TRAF1: variants seen among roughly 807,000 people sequenced by gnomAD.
TRAF1 encodes TNF receptor-associated factor 1.
A neutral mutation model predicts 40.9 loss-of-function variants in TRAF1; 23 were observed. The observed-to-expected ratio is 0.56, with a 90% CI of 0.40 to 0.80. TRAF1 has a LOEUF of 0.80. TRAF1 is among the 30% of genes least tolerant of loss of function. The pLI, the probability that TRAF1 is intolerant of heterozygous loss-of-function variation, is 0.00. For synonymous variants in TRAF1, 206 were observed against 218.8 expected (o/e 0.94, Z 0.52); for missense variants, 477 against 528.7 (o/e 0.90, Z 0.96).
intron 6 of TRAF1, 114 bp downstream of exon 6, chr9:120,911,222 C>G: frequency 7.8e-7 from 1 of 1,274,484 alleles, no homozygotes; most frequent in South Asian, 1.5e-5. Context: ...TGGGCACTGG[C>G]CTAAACTGGA....
chr9:120,925,909 C>T, intron 2 of TRAF1, 27 bp downstream of exon 2: 1 of 1,613,286 alleles, frequency 6.2e-7, no homozygotes. Context: ...CACTTTCTGC[C>T]CACCCTCCGC....
Position 120,904,883 on chromosome 9 carries a change from AC to A in TRAF1, c.*136del. 1 of 901,030 alleles carries A rather than the reference AC, an allele frequency of 1.1e-6. No homozygotes were observed. Among genetic ancestry groups the A allele is most frequent in the African/African-American group, 1.7e-5 (1 of 59,502 alleles). 55.8% of individuals were successfully genotyped at this position (901,030 alleles called of 1,614,324 possible). A position where few individuals can be genotyped will look rare whatever the true frequency, so the allele number is the denominator to read the frequency against. On this transcript the variant is annotated 3_prime_UTR_variant, in exon 8 of 8. Transcript: ENST00000373887. ...TAACCAGATGGCCAGCCCGAAGTCGACCCCTCAGTCTTGCTTGGATCATGCC... is the reference window on the plus strand; with the variant it reads ...TAACCAGATGGCCAGCCCGAAGTCGACCCTCAGTCTTGCTTGGATCATGCC...
chr9:120,920,211 C>A (rs924890161), intron 3 of TRAF1, among the ~76,000 whole-genome samples: 4 of 152,102 alleles, frequency 2.6e-5, no homozygotes, highest in Non-Finnish European at 4.4e-5. Context: ...AGGACTGACT[C>A]CAGGGATAGG....
intron 3 of TRAF1, among the ~76,000 whole-genome samples, chr9:120,920,311 C>T (rs1276531766): frequency 6.6e-6 from 1 of 152,132 alleles, no homozygotes; most frequent in African/African-American, 2.4e-5. Context: ...ACTCAGAGCT[C>T]CCCAGGGTAG....
chr9:120,927,923 ACTTCTCTCCCCATCTGTGGGTCC>A (rs1473266389), upstream of TRAF1: 13 of 151,846 alleles, frequency 8.6e-5, no homozygotes, highest in Non-Finnish European at 1.3e-4. Context: ...GGCACCCAAG[ACTTCTCTCCCCATCTGTGGGTCC>A]CTTCTCTCCC....
At chr9:120,923,833 G>A (rs1351411154) in intron 2 of TRAF1, 41 bp from the exon 3 acceptor site, 4 of 1,570,960 alleles carry the variant, frequency 2.5e-6, no homozygotes, top group Non-Finnish European at 1.8e-6. Context: ...AGGCACTACA[G>A]CTCCCTGCAC....
intron 3 of TRAF1, among the ~76,000 whole-genome samples, chr9:120,922,935 C>T (rs2269062): frequency 0.14 from 21,597 of 152,074 alleles, 2,286 homozygotes; most frequent in African/African-American, 0.29. Context: ...CCTCCCCAGG[C>T]TCAGGCGACT....
intron 3 of TRAF1, among the ~76,000 whole-genome samples, chr9:120,917,680 C>T (rs1172427766): frequency 6.6e-6 from 1 of 152,154 alleles, no homozygotes; most frequent in Non-Finnish European, 1.5e-5. Context: ...CTCAGGGCTG[C>T]CTGCACTCCT....
chr9:120,902,838 T>G lies in TRAF1; in HGVS notation c.*2182A>C, dbSNP rs2046449109. ...AACTAAGAGTTTCTTGAGTCCAGAG[T>G]GCACATCTTGCCTTTCTCCCTTCAA... On this transcript the variant is annotated 3_prime_UTR_variant, in exon 8 of 8. Coordinates refer to ENST00000373887, the MANE Select transcript of TRAF1 (RefSeq NM_005658.5). 6.6e-6 allele frequency: 1 copy of G among 152,228 alleles called. No individual in the cohort carries two copies. The highest frequency in any genetic ancestry group is 2.4e-5 in the African/African-American group (1 of 41,462). The allele number at this position is 152,228 out of a possible 1,614,324, so 9.4% of individuals were successfully genotyped here. A position where few individuals can be genotyped will look rare whatever the true frequency, so the allele number is the denominator to read the frequency against.
At chr9:120,910,513 A>C (rs2046518192) in intron 6 of TRAF1, among the ~76,000 whole-genome samples, 1 of 152,114 alleles carries the variant, frequency 6.6e-6, no homozygotes, top group African/African-American at 2.4e-5. Context: ...CTCCCATCTC[A>C]GCCTCTCAAG....
rs777432093 is a variant in TRAF1 at position 120,913,534 on chromosome 9, C to A, written c.499G>T (p.Ala167Ser). Residue 167 changes from alanine to serine, a missense_variant, in exon 5 of 8, where the codon GCA (alanine) becomes TCA (serine). Coordinates refer to ENST00000373887, the MANE Select transcript of TRAF1 (RefSeq NM_005658.5). ...AGDLEVDCYR[A>S]PCSESQEELA... is the part of the protein sequence containing the mutation. ...TCCTCCTGGCTCTCGGAGCAGGGTG[C>A]CCGGTAGCAATCGACCTCCAGGTCC... 2 of 1,613,764 alleles carry A rather than the reference C, an allele frequency of 1.2e-6. No individual in the cohort carries two copies. The highest frequency in any genetic ancestry group is 1.1e-5 in the South Asian group (1 of 91,066).
At chr9:120,923,278 A>C (rs914057744) in intron 3 of TRAF1, among the ~76,000 whole-genome samples, 1 of 152,252 alleles carries the variant, frequency 6.6e-6, no homozygotes, top group Non-Finnish European at 1.5e-5. Context: ...ACAGACAAGC[A>C]AGCTGTGGCT....
chr9:120,909,492 G>A (rs2046509982), intron 6 of TRAF1, 114 bp from the exon 7 acceptor site: 1 of 1,262,588 alleles, frequency 7.9e-7, no homozygotes, highest in Non-Finnish European at 1.1e-6. Context: ...GAAAGATGGG[G>A]TTAGAACCCA....
intron 7 of TRAF1, among the ~76,000 whole-genome samples, chr9:120,905,881 C>T (rs966519849): frequency 6.6e-6 from 1 of 152,228 alleles, no homozygotes; most frequent in African/African-American, 2.4e-5. Flanking sequence ...AGCATCCTCA[C>T]CCTGCACATT....
intron 4 of TRAF1, 27 bp downstream of exon 4, chr9:120,914,208 T>C (rs2046552798): frequency 8.1e-6 from 12 of 1,485,036 alleles, no homozygotes; most frequent in Non-Finnish European, 1.1e-5. Flanking sequence ...AGTGGATAGA[T>C]CTCCTTTCTC....
intron 3 of TRAF1, among the ~76,000 whole-genome samples, chr9:120,922,259 TA>T (rs1164831550): frequency 1.3e-5 from 2 of 152,216 alleles, no homozygotes; most frequent in African/African-American, 2.4e-5. Flanking sequence ...TGTTTTTTTT[TA>T]AATTGAGAGA....
chr9:120,925,353 T>C (rs1197287963), intron 2 of TRAF1, among the ~76,000 whole-genome samples: 1 of 152,238 alleles, frequency 6.6e-6, no homozygotes, highest in Non-Finnish European at 1.5e-5. Context: ...TAAAGAGGGA[T>C]GTCCACAATA....
chr9:120,914,093 T>C, intron 4 of TRAF1, 142 bp downstream of exon 4: 2 of 686,650 alleles, frequency 2.9e-6, no homozygotes, highest in Non-Finnish European at 4.5e-6. Flanking sequence ...TAGGCTCTGA[T>C]GCTTGGGAAA....
In TRAF1 at chr9:120,926,186, G is replaced by T; in HGVS notation, c.-111C>A. ...CTCTCTGGTGAGTAGGAGCTCTGAT[G>T]ACTTTATCTTCTTCTCTCTGGCTTG... On this transcript the variant is annotated 5_prime_UTR_variant, in exon 2 of 8. Coordinates refer to ENST00000373887, the MANE Select transcript of TRAF1 (RefSeq NM_005658.5). 1 of 1,205,766 alleles carries T rather than the reference G, an allele frequency of 8.3e-7. No individual in the cohort carries two copies. The highest frequency in any genetic ancestry group is 1.1e-6 in the Non-Finnish European group (1 of 893,414). The allele number at this position is 1,205,766 out of a possible 1,614,324, so 74.7% of individuals were successfully genotyped here. A position where few individuals can be genotyped will look rare whatever the true frequency, so the allele number is the denominator to read the frequency against.
Sources: allele counts gnomAD v4.1 joint callset (sites outside exome capture counted in the v4.1 genomes callset), GRCh38; gene constraint gnomAD v4.1.1; transcripts MANE v1.5; gene names NCBI Gene and HGNC (gene_info 2026-07-23, HGNC 2026-07-21).